The following CERS6 variants were observed in gnomAD, a reference collection of about 807,000 sequenced individuals.
CERS6 encodes the protein LAG1 homolog, ceramide synthase 6.
In CERS6, 26 loss-of-function variants were observed where a neutral mutation model predicts 56.8. The observed-to-expected ratio is 0.46, with a 90% confidence interval of 0.34 to 0.63. The LOEUF is 0.63. Ranked by LOEUF, CERS6 falls within the 30% of genes least tolerant of loss-of-function variation. CERS6 has a pLI of 0.01. For missense variants in CERS6, 415 were observed against 467.5 expected (o/e 0.89, Z 1.04); for synonymous variants, 164 against 173.3 (o/e 0.95, Z 0.42).
intron 8 of CERS6, among the ~76,000 whole-genome samples, chr2:168,725,425 G>A (rs563443175): frequency 2.9e-4 from 44 of 152,396 alleles, no homozygotes; most frequent in Non-Finnish European, 4.3e-4. Context: ...GAGAGCGAGC[G>A]AGGGCTGTGA....
At chr2:168,608,197 C>T (rs1167152617) in intron 3 of CERS6, among the ~76,000 whole-genome samples, 2 of 152,232 alleles carry the variant, frequency 1.3e-5, no homozygotes, top group African/African-American at 2.4e-5. Flanking sequence ...TTTTGAGTTT[C>T]ATATAGCTCA....
At chr2:168,755,246 C>T (rs1684382561) in intron 8 of CERS6, among the ~76,000 whole-genome samples, 1 of 152,192 alleles carries the variant, frequency 6.6e-6, no homozygotes, top group Non-Finnish European at 1.5e-5. Context: ...GCTAACTTTA[C>T]AGTTAATAAT....
At chr2:168,582,746 T>G (rs1683448386) in intron 3 of CERS6, among the ~76,000 whole-genome samples, 1 of 152,188 alleles carries the variant, frequency 6.6e-6, no homozygotes, top group Non-Finnish European at 1.5e-5. Context: ...CAAATTTGAC[T>G]GCTGCAGTTT....
intron 6 of CERS6, among the ~76,000 whole-genome samples, chr2:168,704,523 CA>C (rs1686884827): frequency 6.6e-6 from 1 of 152,134 alleles, no homozygotes; most frequent in Non-Finnish European, 1.5e-5. Flanking sequence ...TAAATATAAA[CA>C]AACCCGTTCA....
At chr2:168,744,400 G>C (rs559858053) in intron 8 of CERS6, among the ~76,000 whole-genome samples, 3 of 151,784 alleles carry the variant, frequency 2.0e-5, no homozygotes, top group East Asian at 3.9e-4. Context: ...CAGCTGCTAC[G>C]AACACACTGC....
chr2:168,530,793 C>T (rs1294663190), intron 1 of CERS6, among the ~76,000 whole-genome samples: 3 of 152,108 alleles, frequency 2.0e-5, no homozygotes, highest in Non-Finnish European at 4.4e-5. Context: ...AATGTGATGG[C>T]CTTTTGGTCT....
chr2:168,749,058 C>T (rs1684186931), intron 8 of CERS6, among the ~76,000 whole-genome samples: 1 of 149,358 alleles, frequency 6.7e-6, no homozygotes, highest in African/African-American at 2.5e-5. Flanking sequence ...CCCATCATTT[C>T]CAGAAGCACT....
At chr2:168,509,383 A>G (rs775620015) in intron 1 of CERS6, among the ~76,000 whole-genome samples, 2 of 152,228 alleles carry the variant, frequency 1.3e-5, no homozygotes, top group Non-Finnish European at 2.9e-5. Context: ...TGTTGAGCAC[A>G]TTGTGAATAT....
intron 1 of CERS6, among the ~76,000 whole-genome samples, chr2:168,512,957 C>T (rs893950056): frequency 3.3e-5 from 5 of 152,250 alleles, no homozygotes; most frequent in East Asian, 1.9e-4. Flanking sequence ...TGAGCTGCTG[C>T]GCCTGGCCTC....
intron 8 of CERS6, among the ~76,000 whole-genome samples, chr2:168,725,550 A>G (rs897790266): frequency 1.3e-5 from 2 of 152,272 alleles, no homozygotes; most frequent in Admixed American, 6.5e-5. Flanking sequence ...AATTAACAAC[A>G]GACTTTCATA....
At chr2:168,650,434 C>T (rs1056687517) in intron 4 of CERS6, among the ~76,000 whole-genome samples, 2 of 152,202 alleles carry the variant, frequency 1.3e-5, no homozygotes. Flanking sequence ...CTGCTCTGAA[C>T]ATTGAGAGTG....
At chr2:168,676,523 T>C (rs1686064411) in intron 4 of CERS6, among the ~76,000 whole-genome samples, 1 of 152,248 alleles carries the variant, frequency 6.6e-6, no homozygotes, top group Non-Finnish European at 1.5e-5. Flanking sequence ...TCCAAAATAC[T>C]AACAATATTA....
At chr2:168,513,503 T>C (rs1303496052) in intron 1 of CERS6, among the ~76,000 whole-genome samples, 1 of 152,182 alleles carries the variant, frequency 6.6e-6, no homozygotes, top group African/African-American at 2.4e-5. Context: ...TTTTGTAGAA[T>C]GTCCCTCAGT....
At chr2:168,523,084 T>C (rs566940135) in intron 1 of CERS6, among the ~76,000 whole-genome samples, 27 of 152,352 alleles carry the variant, frequency 1.8e-4, no homozygotes, top group African/African-American at 5.3e-4. Context: ...TGATCTTGTA[T>C]AACAGAAGCA....
intron 3 of CERS6, among the ~76,000 whole-genome samples, chr2:168,596,556 T>C (rs11674427): frequency 0.29 from 25,327 of 88,604 alleles, 2,467 homozygotes; most frequent in South Asian, 0.49. Flanking sequence ...TCCCCCCCCC[T>C]TTTTTTTTTT....
intron 8 of CERS6, among the ~76,000 whole-genome samples, chr2:168,737,082 T>G (rs1449077494): frequency 1.3e-5 from 2 of 152,210 alleles, no homozygotes; most frequent in Non-Finnish European, 2.9e-5. Flanking sequence ...GCTTCCTGCT[T>G]CTGTCTACCT....
intron 8 of CERS6, among the ~76,000 whole-genome samples, chr2:168,753,572 G>A (rs971578276): frequency 6.6e-6 from 1 of 152,078 alleles, no homozygotes; most frequent in Non-Finnish European, 1.5e-5. Flanking sequence ...GGCACACAGG[G>A]CGCAACTCTT....
At chr2:168,601,634 C>T (rs563621079) in intron 3 of CERS6, among the ~76,000 whole-genome samples, 2 of 152,000 alleles carry the variant, frequency 1.3e-5, no homozygotes, top group East Asian at 1.9e-4. Context: ...ACTGCAACCT[C>T]CACATCCTGG....
intron 1 of CERS6, among the ~76,000 whole-genome samples, chr2:168,484,693 A>G (rs1359936522): frequency 6.6e-6 from 1 of 152,066 alleles, no homozygotes; most frequent in Non-Finnish European, 1.5e-5. Context: ...GTAAGTATGT[A>G]TGGGTTTTTT....
Sources: allele counts gnomAD v4.1 joint callset (sites outside exome capture counted in the v4.1 genomes callset), GRCh38; gene constraint gnomAD v4.1.1; transcripts MANE v1.5; gene names NCBI Gene and HGNC (gene_info 2026-07-23, HGNC 2026-07-21).